Variants in C8orf34 observed in about 807,000 individuals in gnomAD.
The protein encoded by C8orf34 is chromosome 8 open reading frame 34.
A neutral mutation model predicts 68.3 loss-of-function variants in C8orf34; 65 were observed. The ratio of observed to expected loss-of-function variants is 0.95; its 90% confidence interval spans 0.78 to 1.17. The LOEUF (loss-of-function observed/expected upper bound fraction) is 1.17, where lower values mean the gene tolerates loss of function less well. Among genes scored for constraint, C8orf34 ranks in the 50% most tolerant of loss-of-function variants. C8orf34 has a pLI of 0.00. For synonymous variants in C8orf34, 244 were observed against 241.2 expected, an observed-to-expected ratio of 1.01 and a Z score of -0.11; for missense variants, 664 against 655.4, an observed-to-expected ratio of 1.01 and a Z score of -0.14.
intron 1 of C8orf34, among the ~76,000 whole-genome samples, chr8:68,429,678 C>T (rs180928993): frequency 1.6e-4 from 25 of 152,242 alleles, no homozygotes; most frequent in Non-Finnish European, 2.6e-4. Context: ...GAAAACTAAA[C>T]AGCAATGAAA....
chr8:68,755,875 C>T (rs1229515817), intron 10 of C8orf34, among the ~76,000 whole-genome samples: 2 of 150,932 alleles, frequency 1.3e-5, no homozygotes, highest in Non-Finnish European at 2.9e-5. Flanking sequence ...TCCTGGCTAA[C>T]AGGTGAAACC....
intron 12 of C8orf34, among the ~76,000 whole-genome samples, chr8:68,810,182 C>T (rs1013858808): frequency 6.6e-6 from 1 of 152,170 alleles, no homozygotes; most frequent in Non-Finnish European, 1.5e-5. Flanking sequence ...AGATCCCATG[C>T]CTGCCAAGGG....
intron 3 of C8orf34, among the ~76,000 whole-genome samples, chr8:68,453,585 G>A (rs567166300): frequency 6.6e-6 from 1 of 152,024 alleles, no homozygotes; most frequent in Non-Finnish European, 1.5e-5. Flanking sequence ...CATTGCCAGG[G>A]TGTAGAAATA....
rs532930415 is a variant in C8orf34 at position 68,533,208 on chromosome 8, T to C, written c.1105+59T>C. The C allele has an allele frequency of 1.5e-5, 23 of 1,528,090 alleles. No individual in the cohort carries two copies. In the African/African-American group the frequency reaches 2.8e-4, roughly 19 times the overall value. 94.7% of individuals were successfully genotyped at this position (1,528,090 alleles called of 1,614,324 possible). On this transcript the variant is annotated intron_variant, in intron 7 of 13. Coordinates refer to ENST00000518698, the MANE Select transcript of C8orf34 (RefSeq NM_052958.4). Reference sequence around the variant, plus strand: ...TCTTTGACATTGTAAAAAAAACGTGTGGTGATTAAGAGATTTTAAAAGTTT... The same window carrying C: ...TCTTTGACATTGTAAAAAAAACGTGCGGTGATTAAGAGATTTTAAAAGTTT...
At chr8:68,457,097 T>C (rs931567882) in intron 3 of C8orf34, among the ~76,000 whole-genome samples, 6 of 152,314 alleles carry the variant, frequency 3.9e-5, no homozygotes, top group African/African-American at 7.2e-5. Context: ...TGATATCAAC[T>C]CTCAGTTGTT....
At chr8:68,378,908 T>C (rs1294112266) in intron 1 of C8orf34, among the ~76,000 whole-genome samples, 1 of 152,144 alleles carries the variant, frequency 6.6e-6, no homozygotes, top group Non-Finnish European at 1.5e-5. Flanking sequence ...AGTCTGACAT[T>C]AAAAACATCC....
At chr8:68,730,804 A>G (rs1471580211) in intron 10 of C8orf34, among the ~76,000 whole-genome samples, 1 of 152,130 alleles carries the variant, frequency 6.6e-6, no homozygotes, top group Non-Finnish European at 1.5e-5. Context: ...ATGCAGAGCA[A>G]GTATAATTAA....
intron 10 of C8orf34, among the ~76,000 whole-genome samples, chr8:68,749,179 T>C (rs12682139): frequency 1.0e-3 from 154 of 151,566 alleles, no homozygotes; most frequent in African/African-American, 3.5e-3. Flanking sequence ...TAGGTGGGAA[T>C]TGAACAATGA....
intron 1 of C8orf34, among the ~76,000 whole-genome samples, chr8:68,343,629 T>G (rs1806163077): frequency 6.6e-6 from 1 of 151,124 alleles, no homozygotes; most frequent in Admixed American, 6.6e-5. Flanking sequence ...AGTCTCGCTC[T>G]GCCGCCCAGG....
At chr8:68,475,043 G>T (rs1045505829) in intron 4 of C8orf34, among the ~76,000 whole-genome samples, 15 of 152,162 alleles carry the variant, frequency 9.9e-5, no homozygotes, top group African/African-American at 3.1e-4. Context: ...GCCGTTTATT[G>T]GGTCTCCAGT....
intron 1 of C8orf34, among the ~76,000 whole-genome samples, chr8:68,437,448 A>ACCTTCTAT: frequency 6.6e-6 from 1 of 152,214 alleles, no homozygotes; most frequent in African/African-American, 2.4e-5. Flanking sequence ...ATCCAGTTGT[A>ACCTTCTAT]CCTTCTATTT....
chr8:68,487,172 G>A (rs1490266924), intron 4 of C8orf34, among the ~76,000 whole-genome samples: 1 of 152,138 alleles, frequency 6.6e-6, no homozygotes, highest in Non-Finnish European at 1.5e-5. Context: ...AATATCAAAG[G>A]TATGGGGTAG....
intron 10 of C8orf34, among the ~76,000 whole-genome samples, chr8:68,774,366 A>G (rs1388398118): frequency 1.6e-5 from 2 of 124,886 alleles, no homozygotes; most frequent in South Asian, 2.4e-4. Context: ...ACAAAAAAAT[A>G]AACAGTTTAT....
intron 8 of C8orf34, among the ~76,000 whole-genome samples, chr8:68,680,368 CTTTCTATTTTCTATAAGTG>C (rs1820332043): frequency 1.3e-5 from 2 of 152,108 alleles, no homozygotes; most frequent in Admixed American, 6.6e-5. Flanking sequence ...AATGTAGGTT[CTTTCTATTTTCTATAAGTG>C]TCAGCCAGCT....
At chr8:68,425,458 T>A (rs1177846934) in intron 1 of C8orf34, among the ~76,000 whole-genome samples, 1 of 152,192 alleles carries the variant, frequency 6.6e-6, no homozygotes, top group African/African-American at 2.4e-5. Flanking sequence ...AATTTCTGTA[T>A]ACTGACAAAA....
intron 7 of C8orf34, among the ~76,000 whole-genome samples, chr8:68,570,143 A>G (rs1816719487): frequency 6.6e-6 from 1 of 152,226 alleles, no homozygotes; most frequent in African/African-American, 2.4e-5. Context: ...CCATTCCTAC[A>G]GGGCACACCT....
At chr8:68,656,132 A>G (rs965765904) in intron 8 of C8orf34, among the ~76,000 whole-genome samples, 3 of 152,190 alleles carry the variant, frequency 2.0e-5, no homozygotes, top group Non-Finnish European at 4.4e-5. Context: ...GGTATTGCAT[A>G]TGAGAGATGA....
At chr8:68,698,211 A>G (rs1820891881) in intron 8 of C8orf34, among the ~76,000 whole-genome samples, 1 of 152,042 alleles carries the variant, frequency 6.6e-6, no homozygotes, top group Non-Finnish European at 1.5e-5. Context: ...GAACCCTACT[A>G]AAATATTGTC....
intron 6 of C8orf34, among the ~76,000 whole-genome samples, chr8:68,526,859 G>A (rs1203592225): frequency 6.6e-6 from 1 of 152,148 alleles, no homozygotes; most frequent in Non-Finnish European, 1.5e-5. Flanking sequence ...AAACTAAACG[G>A]AGCAAGCTCA....
Sources: gnomAD v4.1 joint callset for allele counts (sites outside exome capture counted in the v4.1 genomes callset) on GRCh38, gnomAD v4.1.1 for gene constraint, MANE v1.5 for transcripts, NCBI Gene and HGNC (gene_info 2026-07-23, HGNC 2026-07-21) for gene names.